Variants in ZBTB4 observed in about 807,000 individuals in gnomAD.
ZBTB4 encodes zinc finger and BTB domain-containing protein 4.
Under a neutral mutation model 59.8 loss-of-function variants are expected in ZBTB4, and 14 were observed. That is an observed-to-expected ratio of 0.23 (90% CI 0.15 to 0.37). ZBTB4 has a LOEUF of 0.37. ZBTB4 is among the 10% of genes least tolerant of loss of function. ZBTB4 has a pLI of 1.00. For missense variants in ZBTB4, 1,198 were observed against 1,380.8 expected (o/e 0.87, Z 2.10); for synonymous variants, 587 against 575.2 (o/e 1.02, Z -0.29).
Position 7,466,362 on chromosome 17 carries a change from C to T in ZBTB4, c.440G>A (p.Arg147Gln), listed in dbSNP as rs1422871744. ...SDVLNFIYSA[R>Q]LALPGGGGDG... ...CCCTCCACCACCAGGCAGTGCGAGC[C>T]GGGCGCTGTAGATGAAGTTGAGGAC... Residue 147 changes from arginine to glutamine, a missense_variant, in exon 3 of 4, where the codon CGG becomes CAG. Arg to Gln is a conservative substitution (Grantham distance 43, BLOSUM62 1). Transcript: ENST00000380599. The surrounding 1 kb of genome is among the most constrained non-coding windows in gnomAD (Gnocchi z 9.1). The T allele has an allele frequency of 3.1e-6, 5 of 1,613,912 alleles. No homozygotes were observed. Among genetic ancestry groups the T allele is most frequent in the South Asian group, 2.2e-5 (2 of 91,074 alleles).
At position 7,462,792 on chromosome 17, in the gene ZBTB4, G is replaced by T; in HGVS notation, c.2190C>A (p.Asp730Glu). 1 of 1,602,444 alleles carries T rather than the reference G, an allele frequency of 6.2e-7. No individual in the cohort carries two copies. The change falls in exon 4 of 4, where the codon GAC (aspartate) becomes GAA (glutamate). Residue 730 changes from aspartate to glutamate, a missense_variant. Around this residue, in one of 9 missense-constraint regions of ZBTB4, gnomAD observed 550 missense variants for 541.8 expected, o/e 1.02. Transcript: ENST00000380599. This position sits in a 1 kb window ranked among gnomAD's most constrained non-coding sequence, Gnocchi z 7.5. ...ARTERRHRCG[D>E]CAQTFTTLRK... ...TCAGGGTGGTGAAGGTCTGGGCACA[G>T]TCCCCGCATCGGTGCCTCCGCTCTG... is the stretch of plus-strand genomic sequence containing the variant.
Position 7,462,100 on chromosome 17 carries a change from AG to A in ZBTB4, c.2881del (p.Leu961PhefsTer12). The A allele has an allele frequency of 6.2e-7, 1 of 1,606,658 alleles. No individual in the cohort carries two copies. The highest frequency in any genetic ancestry group is 8.5e-7 in the Non-Finnish European group (1 of 1,175,760). ...GCCAAAGACCCCTGGTAGGAAGGGA[AG>A]GGCCCCCGCACCCTTCTCATCAGGT... ...VLPDEKGAGA[L>X]PFLPGVFGYA... is the part of the protein sequence containing the mutation. On this transcript the variant is annotated frameshift_variant, in exon 4 of 4. Transcript: ENST00000380599. LOFTEE classifies it high-confidence loss of function. The surrounding 1 kb of genome is among the most constrained non-coding windows in gnomAD (Gnocchi z 7.5).
Position 7,462,037 on chromosome 17 carries a change from G to C in ZBTB4, c.2945C>G (p.Pro982Arg). The change falls in exon 4 of 4, where the codon CCA becomes CGA. Residue 982 changes from proline to arginine, a missense_variant. By Grantham distance (103) the Pro-to-Arg change is moderately radical (BLOSUM62 -2). This residue lies in a region of ZBTB4 where 211 missense variants were observed against 236.1 expected (regional missense o/e 0.89). Transcript: ENST00000380599. The surrounding 1 kb of genome is among the most constrained non-coding windows in gnomAD (Gnocchi z 7.5). ...AGGAAGAGTTGGGGGAGGTGGTGTT[G>C]GTGGGGCAGGGGGTGCTGCTTGAGG... ...VNPQAAPPAP[P>R]TPPPPTLPPP... The C allele has an allele frequency of 6.2e-7, 1 of 1,602,208 alleles. No homozygotes were observed. The highest frequency in any genetic ancestry group is 8.5e-7 in the Non-Finnish European group (1 of 1,173,840).
upstream of ZBTB4, chr17:7,483,069 A>C: frequency 1.2e-6 from 2 of 1,603,000 alleles, no homozygotes; most frequent in Non-Finnish European, 1.7e-6. Flanking sequence ...GAAGACAAAC[A>C]TGGGAGGAGA....
upstream of ZBTB4, chr17:7,481,650 T>C: frequency 1.4e-6 from 1 of 699,884 alleles, no homozygotes; most frequent in Admixed American, 3.6e-5. Flanking sequence ...TACCCAGATG[T>C]CTCTGGAACC....
At chr17:7,483,237 G>A (rs773253157), upstream of ZBTB4, 1 of 784,172 alleles carries the variant, frequency 1.3e-6, no homozygotes, top group East Asian at 2.8e-5. Context: ...GCATAACTAA[G>A]GGGTAAAGTC....
In ZBTB4 at chr17:7,462,316, C is replaced by G; in HGVS notation, c.2666G>C (p.Gly889Ala). The G allele has an allele frequency of 6.2e-7, 1 of 1,613,888 alleles. No homozygotes were observed. The highest frequency in any genetic ancestry group is 8.5e-7 in the Non-Finnish European group (1 of 1,179,928). The part of the protein sequence containing the change: ...LIGGGREPGG[G>A]RGKSGSEGPV... Reference sequence around the variant, plus strand: ...CCCTTCACTCCCAGATTTTCCCCTGCCACCGCCAGGTTCCCGGCCGCCCCC... The same window carrying G: ...CCCTTCACTCCCAGATTTTCCCCTGGCACCGCCAGGTTCCCGGCCGCCCCC... Residue 889 changes from glycine (G) to alanine (A), a missense_variant, in exon 4 of 4, where the codon GGC (glycine) becomes GCC (alanine). By Grantham distance (60) the Gly-to-Ala change is moderately conservative. This residue lies in a region of ZBTB4 where 211 missense variants were observed against 236.1 expected (regional missense o/e 0.89). Coordinates refer to ENST00000380599, the MANE Select transcript of ZBTB4 (RefSeq NM_001128833.2). The surrounding 1 kb of genome is among the most constrained non-coding windows in gnomAD (Gnocchi z 7.5).
At chr17:7,478,054 AC>A (rs1389498218) in intron 1 of ZBTB4, among the ~76,000 whole-genome samples, 1 of 151,930 alleles carries the variant, frequency 6.6e-6, no homozygotes, top group Non-Finnish European at 1.5e-5. Context: ...ACTTAAGCAC[AC>A]AGACGGCAGG....
chr17:7,479,371 C>T (rs958812353), intron 1 of ZBTB4, 85 bp downstream of exon 1: 1 of 152,516 alleles, frequency 6.6e-6, no homozygotes. Context: ...GCGGTCGGGG[C>T]TCCCGCAGCG....
chr17:7,469,855 G>A (rs1285065350), intron 1 of ZBTB4, among the ~76,000 whole-genome samples: 10 of 152,052 alleles, frequency 6.6e-5, no homozygotes, highest in African/African-American at 2.2e-4. Context: ...AGGCAGAGGC[G>A]GGTGGATCGC....
intron 3 of ZBTB4, among the ~76,000 whole-genome samples, chr17:7,465,400 G>A (rs1399359817): frequency 2.0e-5 from 3 of 149,556 alleles, no homozygotes; most frequent in East Asian, 2.0e-4. Flanking sequence ...GGAGGCGGAG[G>A]TGGCAGTGAG....
intron 1 of ZBTB4, among the ~76,000 whole-genome samples, chr17:7,478,800 T>C (rs963495975): frequency 6.6e-6 from 1 of 152,162 alleles, no homozygotes; most frequent in African/African-American, 2.4e-5. Flanking sequence ...CTGGACACCC[T>C]TCCTGGCTTT....
upstream of ZBTB4, among the ~76,000 whole-genome samples, chr17:7,480,765 T>G (rs554970054): frequency 2.0e-5 from 3 of 151,876 alleles, no homozygotes; most frequent in East Asian, 5.8e-4. Context: ...CCATGCAAGA[T>G]ATAAATAAAC....
intron 1 of ZBTB4, among the ~76,000 whole-genome samples, chr17:7,478,850 G>C (rs1268546547): frequency 6.6e-6 from 1 of 152,086 alleles, no homozygotes; most frequent in African/African-American, 2.4e-5. Flanking sequence ...CCAGACCCCT[G>C]GCTGCCAGCA....
At chr17:7,481,969 G>A, upstream of ZBTB4, 2 of 1,570,260 alleles carry the variant, frequency 1.3e-6, no homozygotes, top group Middle Eastern at 1.7e-4. Context: ...TCTACCCTGA[G>A]CTCCTTTCTC....
In ZBTB4 at chr17:7,465,866, C is replaced by A. The variant is rs147452733; in HGVS notation, c.936G>T (p.Ala312=). 6.2e-7 allele frequency: 1 copy of A among 1,614,184 alleles called. No homozygotes were observed. Among genetic ancestry groups the A allele is most frequent in the South Asian group, 1.1e-5 (1 of 91,090 alleles). ...VVGGHVLYVC[A]ACERSYVTLS... is the part of the protein sequence containing the mutation. ...GGGTCACGTAGGAACGCTCGCAGGC[C>A]GCGCACACATACAGCACGTGGCCGC... The change falls in exon 3 of 4, where the codon GCG becomes GCT. Residue 312 remains alanine (A), a synonymous_variant. Coordinates refer to ENST00000380599, the MANE Select transcript of ZBTB4 (RefSeq NM_001128833.2).
At chr17:7,464,431 G>GAAAAAAAA (rs55956412) in intron 3 of ZBTB4, among the ~76,000 whole-genome samples, 4 of 96,180 alleles carry the variant, frequency 4.2e-5, no homozygotes, top group Non-Finnish European at 5.9e-5. Context: ...GTCAAAAAAA[G>GAAAAAAAA]AAAAAAAAAA....
At chr17:7,465,625 C>T (rs1044077620) in intron 3 of ZBTB4, 86 bp downstream of exon 3, 2 of 1,478,772 alleles carry the variant, frequency 1.4e-6, no homozygotes. Flanking sequence ...CTTTCTAGGC[C>T]CCAAGCCCCA....
chr17:7,463,935 A>G lies in ZBTB4; in HGVS notation c.1092-45T>C, dbSNP rs200315053. 21 of 1,573,322 alleles carry G rather than the reference A, an allele frequency of 1.3e-5. No homozygotes were observed. In the East Asian group the frequency reaches 3.6e-4, roughly 27 times the overall value. Reference sequence around the variant, plus strand: ...AATAGGGCAGGAACACAGGCACTTGAGTCAAGGGCCCTGAAGCCTCCCAGG... The same window carrying G: ...AATAGGGCAGGAACACAGGCACTTGGGTCAAGGGCCCTGAAGCCTCCCAGG... On this transcript the variant is annotated intron_variant, in intron 3 of 3. Transcript: ENST00000380599.
Sources: allele counts gnomAD v4.1 joint callset (sites outside exome capture counted in the v4.1 genomes callset), GRCh38; gene constraint gnomAD v4.1.1; regional missense constraint gnomAD v4.1.1; non-coding constraint Gnocchi (gnomAD v3.1); transcripts MANE v1.5; gene names NCBI Gene and HGNC (gene_info 2026-07-23, HGNC 2026-07-21).